Variants in LRRC75A observed in about 807,000 individuals in gnomAD.
The protein encoded by LRRC75A is leucine rich repeat containing 75A.
Under a neutral mutation model 26.0 loss-of-function variants are expected in LRRC75A, and 12 were observed. The ratio of observed to expected loss-of-function variants is 0.46; its 90% CI spans 0.30 to 0.75. LRRC75A has a LOEUF of 0.75. Among genes scored for constraint, LRRC75A ranks in the 30% least tolerant of loss-of-function variants. The probability of loss-of-function intolerance (pLI) is 0.08; values close to 1 mark genes in which losing one functional copy is unlikely to be tolerated. For missense variants in LRRC75A, 410 were observed against 486.6 expected, an observed-to-expected ratio of 0.84 and a Z score of 1.48; for synonymous variants, 223 against 219.3, an observed-to-expected ratio of 1.02 and a Z score of -0.15.
chr17:16,491,729 C>G lies in LRRC75A; in HGVS notation c.246+16G>C. On this transcript the variant is annotated intron_variant, in intron 1 of 3. Transcript: ENST00000470794. This position sits in a 1 kb window ranked among gnomAD's most constrained non-coding sequence, Gnocchi z 5.9. ...CCTGGCCCGGCGCGCCCCCCGCGCC[C>G]CCTCCCCGCGCTCACCTGGCGCAGG... 1 of 1,334,472 alleles carries G rather than the reference C, an allele frequency of 7.5e-7. No homozygotes were observed. The highest frequency in any genetic ancestry group is 9.5e-7 in the Non-Finnish European group (1 of 1,047,134). 82.7% of individuals were successfully genotyped at this position (1,334,472 alleles called of 1,614,324 possible).
chr17:16,457,469 C>T (rs555617422), intron 2 of LRRC75A, among the ~76,000 whole-genome samples: 3 of 152,252 alleles, frequency 2.0e-5, no homozygotes, highest in South Asian at 4.1e-4. Context: ...GGAGGAGAGA[C>T]GGATGGGGGA....
intron 2 of LRRC75A, among the ~76,000 whole-genome samples, chr17:16,454,354 T>C (rs1568958031): frequency 6.6e-6 from 1 of 150,820 alleles, no homozygotes; most frequent in Non-Finnish European, 1.5e-5. Flanking sequence ...ATCACGTCAT[T>C]GCACTCCAGC....
At chr17:16,476,540 C>T (rs968808488) in intron 1 of LRRC75A, among the ~76,000 whole-genome samples, 1 of 151,536 alleles carries the variant, frequency 6.6e-6, no homozygotes, top group Non-Finnish European at 1.5e-5. Flanking sequence ...TACTCAAAGT[C>T]TACTGATTTC....
intron 3 of LRRC75A, among the ~76,000 whole-genome samples, chr17:16,447,208 A>G (rs538171026): frequency 6.6e-6 from 1 of 151,988 alleles, no homozygotes; most frequent in Admixed American, 6.5e-5. Context: ...TCTGTGTCCT[A>G]CATGCCCCTC....
chr17:16,469,508 C>G (rs763970635), intron 1 of LRRC75A, among the ~76,000 whole-genome samples: 1 of 152,214 alleles, frequency 6.6e-6, no homozygotes, highest in African/African-American at 2.4e-5. Context: ...GTGACACCCA[C>G]GTCTATCAGC....
chr17:16,462,412 G>T lies in LRRC75A; in HGVS notation c.247-26C>A, dbSNP rs760484344. The T allele has an allele frequency of 5.0e-6, 8 of 1,612,942 alleles. No homozygotes were observed. The highest frequency in any genetic ancestry group is 6.8e-6 in the Non-Finnish European group (8 of 1,179,892). On this transcript the variant is annotated intron_variant, in intron 1 of 3. Transcript: ENST00000470794. This position sits in a 1 kb window ranked among gnomAD's most constrained non-coding sequence, Gnocchi z 4.6. ...CTGCAAGAGCAAAGGATGCCCAGAG[G>T]TCAGGGCTGGCTGCCCACCCAGCTC... is the stretch of plus-strand genomic sequence containing the variant.
At chr17:16,469,355 T>A (rs2093793050) in intron 1 of LRRC75A, among the ~76,000 whole-genome samples, 2 of 152,232 alleles carry the variant, frequency 1.3e-5, no homozygotes, top group East Asian at 3.8e-4. Flanking sequence ...GGTGGCCTTT[T>A]GTTCTTTTCC....
intron 1 of LRRC75A, chr17:16,463,083 C>T (rs1265021976): frequency 6.6e-6 from 1 of 152,420 alleles, no homozygotes; most frequent in African/African-American, 2.4e-5. Flanking sequence ...TCAGGACACA[C>T]CACCCCAGAA....
intron 1 of LRRC75A, among the ~76,000 whole-genome samples, chr17:16,467,011 C>T (rs560787381): frequency 2.0e-5 from 3 of 152,230 alleles, no homozygotes; most frequent in South Asian, 2.1e-4. Flanking sequence ...AGTGCAAAAG[C>T]GCAAGTCTGA....
chr17:16,478,571 C>T (rs973151663), intron 1 of LRRC75A: 7 of 152,290 alleles, frequency 4.6e-5, no homozygotes, highest in African/African-American at 1.7e-4. Context: ...CTCTTCTGGT[C>T]CTGGCTCATG....
chr17:16,482,840 C>T (rs965983607), intron 1 of LRRC75A, among the ~76,000 whole-genome samples: 1 of 152,258 alleles, frequency 6.6e-6, no homozygotes, highest in Non-Finnish European at 1.5e-5. Context: ...CTTAGGTGCC[C>T]AGGGACGTAT....
At chr17:16,447,590 CTG>C (rs781640572) in intron 3 of LRRC75A, among the ~76,000 whole-genome samples, 7 of 152,190 alleles carry the variant, frequency 4.6e-5, no homozygotes, top group South Asian at 2.1e-4. Context: ...GAGCCAAACA[CTG>C]TGCTTATCTG....
intron 2 of LRRC75A, among the ~76,000 whole-genome samples, chr17:16,453,297 AACACACACAC>A (rs764002278): frequency 1.5e-4 from 16 of 108,748 alleles, no homozygotes; most frequent in Middle Eastern, 4.8e-3. Context: ...GGGACTCCTA[AACACACACAC>A]ACACGCACAC....
intron 1 of LRRC75A, among the ~76,000 whole-genome samples, chr17:16,482,835 G>T (rs907042139): frequency 1.3e-5 from 2 of 152,224 alleles, no homozygotes; most frequent in Non-Finnish European, 2.9e-5. Context: ...CTCCACTTAG[G>T]TGCCCAGGGA....
chr17:16,451,554 G>A (rs932826108), intron 2 of LRRC75A, among the ~76,000 whole-genome samples: 4 of 151,098 alleles, frequency 2.6e-5, no homozygotes, highest in East Asian at 2.0e-4. Flanking sequence ...CCCAGGAGGC[G>A]GAGGTTACAG....
At chr17:16,449,996 A>G (rs4792746) in intron 2 of LRRC75A, among the ~76,000 whole-genome samples, 58,043 of 152,020 alleles carry the variant, frequency 0.38, 11,366 homozygotes, top group African/African-American at 0.41. Context: ...AGTGAGGAGG[A>G]AACAGTCTGT....
At position 16,443,445 on chromosome 17, in the gene LRRC75A, A is replaced by C; in HGVS notation, c.*143T>G. 1 of 662,946 alleles carries C rather than the reference A, an allele frequency of 1.5e-6. No individual in the cohort carries two copies. Among genetic ancestry groups the C allele is most frequent in the Non-Finnish European group, 2.5e-6 (1 of 404,830 alleles). 41.1% of individuals were successfully genotyped at this position (662,946 alleles called of 1,614,324 possible). A position where few individuals can be genotyped will look rare whatever the true frequency, so the allele number is the denominator to read the frequency against. ...ACACAAATCCCCTTCCCCAGATGAT[A>C]TGGTTTGCCTTTCTGTAGGTGGGTG... is the stretch of plus-strand genomic sequence containing the variant. On this transcript the variant is annotated 3_prime_UTR_variant, in exon 4 of 4. Coordinates refer to ENST00000470794, the MANE Select transcript of LRRC75A (RefSeq NM_001113567.3).
intron 2 of LRRC75A, among the ~76,000 whole-genome samples, chr17:16,457,346 G>A (rs2093693368): frequency 1.3e-5 from 2 of 152,158 alleles, no homozygotes; most frequent in Non-Finnish European, 2.9e-5. Flanking sequence ...AGTCCACTCT[G>A]CCCTTCTCTG....
chr17:16,456,251 A>C (rs1226581461), intron 2 of LRRC75A, among the ~76,000 whole-genome samples: 1 of 138,328 alleles, frequency 7.2e-6, no homozygotes, highest in Admixed American at 7.2e-5. Context: ...GAGAAGAAGG[A>C]AGAGGATCAG....
Sources: allele counts gnomAD v4.1 joint callset (sites outside exome capture counted in the v4.1 genomes callset), GRCh38; gene constraint gnomAD v4.1.1; non-coding constraint Gnocchi (gnomAD v3.1); transcripts MANE v1.5; gene names NCBI Gene and HGNC (gene_info 2026-07-23, HGNC 2026-07-21).